Variants in KATNIP observed in about 807,000 individuals in gnomAD.
KATNIP encodes katanin interacting protein.
Under a neutral mutation model 174.0 loss-of-function variants are expected in KATNIP, and 126 were observed. The ratio of observed to expected loss-of-function variants is 0.72; its 90% CI spans 0.63 to 0.84. KATNIP has a LOEUF of 0.84. KATNIP is among the 40% of genes least tolerant of loss of function. KATNIP has a pLI of 0.00. For synonymous variants in KATNIP, 810 were observed against 835.7 expected, an observed-to-expected ratio of 0.97 and a Z score of 0.53; for missense variants, 1,958 against 2,109.7, an observed-to-expected ratio of 0.93 and a Z score of 1.41.
chr16:27,742,399 C>G (rs934170435), intron 15 of KATNIP, among the ~76,000 whole-genome samples: 7 of 152,166 alleles, frequency 4.6e-5, no homozygotes, highest in African/African-American at 1.7e-4. Flanking sequence ...ATGATGAGTG[C>G]TCGGTGAGTA....
chr16:27,724,702 G>A (rs1373908949), intron 14 of KATNIP, among the ~76,000 whole-genome samples: 1 of 152,204 alleles, frequency 6.6e-6, no homozygotes, highest in Non-Finnish European at 1.5e-5. Flanking sequence ...GCAAACAAAT[G>A]CAGCTGCAGG....
chr16:27,753,436 G>A (rs1048887436), intron 17 of KATNIP, among the ~76,000 whole-genome samples: 3 of 152,128 alleles, frequency 2.0e-5, no homozygotes, highest in Non-Finnish European at 2.9e-5. Context: ...CCAGCGCTGT[G>A]AGGGGCTGGG....
chr16:27,715,991 C>T (rs1322739412), intron 13 of KATNIP, among the ~76,000 whole-genome samples: 1 of 148,756 alleles, frequency 6.7e-6, no homozygotes, highest in Non-Finnish European at 1.5e-5. Flanking sequence ...AAAAAAAAAA[C>T]TTGTACATGC....
Position 27,777,729 on chromosome 16 carries a change from G to A in KATNIP, c.4671G>A (p.Glu1557=), listed in dbSNP as rs1481128804. 1.2e-6 allele frequency: 2 copies of A among 1,614,110 alleles called. No homozygotes were observed. The highest frequency in any genetic ancestry group is 2.7e-5 in the African/African-American group (2 of 75,066). The change falls in exon 26 of 28, where the codon GAG becomes GAA. Residue 1557 remains glutamate, a synonymous_variant. Coordinates refer to ENST00000261588, the MANE Select transcript of KATNIP (RefSeq NM_015202.5). The surrounding 1 kb of genome is among the most constrained non-coding windows in gnomAD (Gnocchi z 4.4). ...CCTACCACACCATCCTCTTCACCGA[G>A]GACAGGGACATCCGCCACCAGGAGA... ...TVPYHTILFT[E]DRDIRHQEKH... is the part of the protein sequence containing the mutation.
intron 15 of KATNIP, 113 bp from the exon 16 acceptor site, chr16:27,749,471 C>G: frequency 2.3e-6 from 3 of 1,289,664 alleles, no homozygotes; most frequent in Non-Finnish European, 3.2e-6. Flanking sequence ...AGAGGGCTCC[C>G]CTGGAGGTGG....
chr16:27,655,400 A>ATTATTTATTTATTTATTTATTTAT (rs557649469), intron 6 of KATNIP, among the ~76,000 whole-genome samples: 16 of 148,586 alleles, frequency 1.1e-4, no homozygotes, highest in African/African-American at 3.8e-4. Flanking sequence ...TGTCCAGCCA[A>ATTATTTATTTATTTATTTATTTAT]TTATTTATTT....
intron 15 of KATNIP, among the ~76,000 whole-genome samples, chr16:27,747,751 G>A (rs1017995535): frequency 8.3e-5 from 12 of 144,414 alleles, no homozygotes; most frequent in Admixed American, 6.9e-4. Flanking sequence ...AGGGGCTTGG[G>A]AGAGGCTGGG....
intron 11 of KATNIP, 135 bp from the exon 12 acceptor site, chr16:27,703,761 C>T (rs1305666934): frequency 1.4e-6 from 1 of 694,192 alleles, no homozygotes; most frequent in Non-Finnish European, 2.6e-6. Context: ...CTGCCCTTGC[C>T]TTTGAACTGG....
rs1210982105 is a variant in KATNIP at position 27,740,670 on chromosome 16, C to T, written c.2373C>T (p.Asp791=). Residue 791 remains aspartate (D), a synonymous_variant, in exon 15 of 28, where the codon GAC becomes GAT. Transcript: ENST00000261588. ...CCTGGAAGGGCAGGCTCCCATCAGACGATGTCATCGGTGAGGGTCCTGGAG... is the reference window on the plus strand; with the variant it reads ...CCTGGAAGGGCAGGCTCCCATCAGATGATGTCATCGGTGAGGGTCCTGGAG... ...PLAWKGRLPS[D]DVIGEGPGET... is the part of the protein sequence containing the mutation. The T allele has an allele frequency of 4.3e-6, 7 of 1,613,768 alleles. No homozygotes were observed. Among genetic ancestry groups the T allele is most frequent in the Admixed American group, 3.3e-5 (2 of 60,028 alleles).
At chr16:27,702,679 G>A (rs1385275338) in intron 11 of KATNIP, among the ~76,000 whole-genome samples, 2 of 152,232 alleles carry the variant, frequency 1.3e-5, no homozygotes, top group Non-Finnish European at 2.9e-5. Flanking sequence ...TCTGCATGAA[G>A]AAGGAATTCA....
chr16:27,773,123 C>G lies in KATNIP; in HGVS notation c.4223C>G (p.Thr1408Ser). The G allele has an allele frequency of 6.2e-7, 1 of 1,610,976 alleles. No homozygotes were observed. The highest frequency in any genetic ancestry group is 8.5e-7 in the Non-Finnish European group (1 of 1,178,464). ...CGFIFQFQLL[T>S]SWGDPYYIGL... Reference sequence around the variant, plus strand: ...GTCATTTTCCAGTTTCAGCTTCTCACCAGCTGGGGCGACCCCTACTACATC... The same window carrying G: ...GTCATTTTCCAGTTTCAGCTTCTCAGCAGCTGGGGCGACCCCTACTACATC... The change falls in exon 23 of 28, where the codon ACC becomes AGC. Residue 1408 changes from threonine (T) to serine (S), a missense_variant. Around this residue, in one of 3 missense-constraint regions of KATNIP, gnomAD observed 383 missense variants for 456.0 expected, o/e 0.84. Coordinates refer to ENST00000261588, the MANE Select transcript of KATNIP (RefSeq NM_015202.5).
rs116353482 is a variant in KATNIP at position 27,567,871 on chromosome 16, G to A, written c.8-6030G>A. Among the ~76,000 whole-genome samples the A allele has an allele frequency of 9.3e-3, 1,413 of 152,262 alleles. 24 individuals are homozygous for A. Among genetic ancestry groups the A allele is most frequent in the African/African-American group, 0.033 (1,361 of 41,542 alleles). ...CCCAGCTACTCAGGAGGCTAAGGTGGGAGGATCGTTTGTGCCCAGCAGTTC... is the reference window on the plus strand; with the variant it reads ...CCCAGCTACTCAGGAGGCTAAGGTGAGAGGATCGTTTGTGCCCAGCAGTTC... On this transcript the variant is annotated intron_variant, in intron 1 of 27. Transcript: ENST00000261588.
intron 19 of KATNIP, 55 bp downstream of exon 19, chr16:27,761,645 T>G: frequency 6.8e-7 from 1 of 1,469,140 alleles, no homozygotes; most frequent in Non-Finnish European, 9.5e-7. Flanking sequence ...GGGGACATTG[T>G]TCTGCCTCTG....
Position 27,761,550 on chromosome 16 carries a change from G to A in KATNIP, c.3769G>A (p.Glu1257Lys). The change falls in exon 19 of 28, where the codon GAG becomes AAG. Residue 1257 changes from glutamate to lysine, a missense_variant. By Grantham distance (56) the Glu-to-Lys change is moderately conservative (BLOSUM62 1). Coordinates refer to ENST00000261588, the MANE Select transcript of KATNIP (RefSeq NM_015202.5). ...QISASPRDLNELPEYSDDSRA... is the reference protein window; with the variant it reads ...QISASPRDLNKLPEYSDDSRA... ...CTCTGCTTCCCCCAGAGACTTAAAT[G>A]AGCTCCCCGAGTACTCTGACGACTC... 1 of 1,614,126 alleles carries A rather than the reference G, an allele frequency of 6.2e-7. No individual in the cohort carries two copies. The highest frequency in any genetic ancestry group is 8.5e-7 in the Non-Finnish European group (1 of 1,180,034).
rs189192511 is a variant in KATNIP at position 27,593,046 on chromosome 16, G to T, written c.63+19090G>T. 2.6e-5 allele frequency among the ~76,000 whole-genome samples: 4 copies of T among 152,274 alleles called. No individual in the cohort carries two copies. The East Asian group carries it at 7.7e-4, about 29-fold the overall frequency. Reference sequence around the variant, plus strand: ...GATGGAGCCCTCCAGGGTCCTGGGAGGTCCCCTCTCTGTAGCTCTTATCTA... The same window carrying T: ...GATGGAGCCCTCCAGGGTCCTGGGATGTCCCCTCTCTGTAGCTCTTATCTA... On this transcript the variant is annotated intron_variant, in intron 2 of 27. Transcript: ENST00000261588.
rs944904217 is a variant in KATNIP at position 27,617,392 on chromosome 16, A to G, written c.64-1033A>G. Among the ~76,000 whole-genome samples the G allele has an allele frequency of 4.6e-5, 7 of 152,178 alleles. No individual in the cohort carries two copies. In the East Asian group the frequency reaches 1.2e-3, roughly 25 times the overall value. On this transcript the variant is annotated intron_variant, in intron 2 of 27. Coordinates refer to ENST00000261588, the MANE Select transcript of KATNIP (RefSeq NM_015202.5). ...ATGGGAAGAGAGCAGCTCTTTTTCC[A>G]AGGGTATCAGCAAAGTCCCGGGGCT...
chr16:27,762,292 A>G (rs2081981863), intron 19 of KATNIP, among the ~76,000 whole-genome samples: 1 of 152,184 alleles, frequency 6.6e-6, no homozygotes, highest in Non-Finnish European at 1.5e-5. Context: ...AACCTCTTCA[A>G]TAATAACAGC....
chr16:27,604,524 C>T lies in KATNIP; in HGVS notation c.64-13901C>T, dbSNP rs75409635. Among the ~76,000 whole-genome samples the T allele has an allele frequency of 7.8e-3, 1,185 of 152,250 alleles. 6 individuals are homozygous for T. Among genetic ancestry groups the T allele is most frequent in the Non-Finnish European group, 0.01 (710 of 68,034 alleles). On this transcript the variant is annotated intron_variant, in intron 2 of 27. Transcript: ENST00000261588. ...TGCTGGAATTACACTTGTGAGTCACCGCACTCGACTGTCTTACTTTTTGGA... is the reference window on the plus strand; with the variant it reads ...TGCTGGAATTACACTTGTGAGTCACTGCACTCGACTGTCTTACTTTTTGGA...
Position 27,750,128 on chromosome 16 carries a change from A to T in KATNIP, c.3168A>T (p.Arg1056Ser), listed in dbSNP as rs751917036. Reference sequence around the variant, plus strand: ...GGCTGGCCCCCTTCACGCGGGGCAGATCCCACTCCATCACCATTGACTTCA... The same window carrying T: ...GGCTGGCCCCCTTCACGCGGGGCAGTTCCCACTCCATCACCATTGACTTCA... ...HVWLAPFTRGRSHSITIDFTH... is the reference protein window; with the variant it reads ...HVWLAPFTRGSSHSITIDFTH... Residue 1056 changes from arginine to serine, a missense_variant, in exon 16 of 28, where the codon AGA becomes AGT. Physicochemically the swap from Arg to Ser is moderately radical, Grantham distance 110. Transcript: ENST00000261588. 3.1e-5 allele frequency: 50 copies of T among 1,613,982 alleles called. No homozygotes were observed. The highest frequency in any genetic ancestry group is 2.7e-4 in the Admixed American group (16 of 59,990).
Sources: allele counts gnomAD v4.1 joint callset (sites outside exome capture counted in the v4.1 genomes callset), GRCh38; gene constraint gnomAD v4.1.1; regional missense constraint gnomAD v4.1.1; non-coding constraint Gnocchi (gnomAD v3.1); transcripts MANE v1.5; gene names NCBI Gene and HGNC (gene_info 2026-07-23, HGNC 2026-07-21).